TRAF3IP3: variants seen among roughly 807,000 people sequenced by gnomAD.
TRAF3IP3 encodes TRAF3 interacting protein 3, also known as TRAF3-interacting JNK-activating modulator.
Under a neutral mutation model 86.5 loss-of-function variants are expected in TRAF3IP3, and 64 were observed. The observed-to-expected ratio is 0.74, with a 90% CI of 0.60 to 0.91. The LOEUF (loss-of-function observed/expected upper bound fraction) is 0.91, where lower values mean the gene tolerates loss of function less well. Among genes scored for constraint, TRAF3IP3 ranks in the 40% least tolerant of loss-of-function variants. TRAF3IP3 has a pLI of 0.00. For missense variants in TRAF3IP3, 579 were observed against 642.9 expected (o/e 0.90, Z 1.07); for synonymous variants, 220 against 243.9 (o/e 0.90, Z 0.91).
At chr1:209,775,776 G>C in intron 11 of TRAF3IP3, 40 bp downstream of exon 11, 1 of 1,558,742 alleles carries the variant, frequency 6.4e-7, no homozygotes, top group Non-Finnish European at 8.7e-7. Context: ...ACAGGGTATG[G>C]GGAGGAGGGA....
At chr1:209,765,474 T>C (rs537131999) in intron 8 of TRAF3IP3, among the ~76,000 whole-genome samples, 5 of 152,006 alleles carry the variant, frequency 3.3e-5, no homozygotes, top group African/African-American at 1.2e-4. Flanking sequence ...AAGACCAGCC[T>C]GGGCAACATG....
At chr1:209,768,845 C>A (rs569071879) in intron 8 of TRAF3IP3, among the ~76,000 whole-genome samples, 30 of 152,318 alleles carry the variant, frequency 2.0e-4, no homozygotes, top group African/African-American at 7.2e-4. Flanking sequence ...AAACTACATG[C>A]CCGATTTGCA....
chr1:209,762,936 T>C (rs2077272518), intron 5 of TRAF3IP3, 66 bp downstream of exon 5: 2 of 1,609,028 alleles, frequency 1.2e-6, no homozygotes, highest in African/African-American at 1.3e-5. Flanking sequence ...ACAATGAATT[T>C]CCATGTCCGC....
At chr1:209,771,654 TGCATGTGAAG>T (rs1394380898) in intron 8 of TRAF3IP3, among the ~76,000 whole-genome samples, 18 of 143,780 alleles carry the variant, frequency 1.3e-4, no homozygotes, top group South Asian at 2.2e-4. Context: ...TGTGAAGGTG[TGCATGTGAAG>T]GTGTGTGTTC....
chr1:209,778,498 G>A (rs1170342374), intron 13 of TRAF3IP3: 3 of 292,206 alleles, frequency 1.0e-5, no homozygotes, highest in African/African-American at 6.6e-5. Context: ...ACATGAATGT[G>A]TCACATAGAC....
chr1:209,759,900 C>A lies in TRAF3IP3; in HGVS notation c.-58-82C>A, dbSNP rs946174868. 7 of 671,596 alleles carry A rather than the reference C, an allele frequency of 1.0e-5. No homozygotes were observed. In the African/African-American group the frequency reaches 1.3e-4, roughly 12 times the overall value. The allele number at this position is 671,596 out of a possible 1,614,324, so 41.6% of individuals were successfully genotyped here. A position where few individuals can be genotyped will look rare whatever the true frequency, so the allele number is the denominator to read the frequency against. On this transcript the variant is annotated intron_variant, in intron 2 of 16. Coordinates refer to ENST00000367025, the MANE Select transcript of TRAF3IP3 (RefSeq NM_025228.4). Reference sequence around the variant, plus strand: ...ACATGGATGGAACTCTGTGCTATTTCTGCCCCCTGGTCTAGGGAGATAGTC... The same window carrying A: ...ACATGGATGGAACTCTGTGCTATTTATGCCCCCTGGTCTAGGGAGATAGTC...
At position 209,770,694 on chromosome 1, in the gene TRAF3IP3, TGTGGAGGTGTGTGTGTGCAG is replaced by T. The variant is rs1558019024; in HGVS notation, c.703-2242_703-2223del. Among the ~76,000 whole-genome samples the T allele has an allele frequency of 3.7e-4, 40 of 109,492 alleles. 1 individual carries two copies. The highest frequency in any genetic ancestry group is 6.0e-4 in the East Asian group (2 of 3,330). 71.8% of individuals were successfully genotyped at this position (109,492 alleles called of 152,430 possible). On this transcript the variant is annotated intron_variant, in intron 8 of 16. Coordinates refer to ENST00000367025, the MANE Select transcript of TRAF3IP3 (RefSeq NM_025228.4). ...GTGCATATGGAGGTGTGTGTGTGCA[TGTGGAGGTGTGTGTGTGCAG>T]GTGGAGGTGTGCGTGTGCAGGTGGA...
chr1:209,770,814 C>G (rs1231623002), intron 8 of TRAF3IP3, among the ~76,000 whole-genome samples: 1 of 104,232 alleles, frequency 9.6e-6, no homozygotes, highest in African/African-American at 3.7e-5. Flanking sequence ...TGTGTGTGTG[C>G]AGGTGGAGGT....
At position 209,777,334 on chromosome 1, in the gene TRAF3IP3, C is replaced by T. The variant is rs771308499; in HGVS notation, c.1054-18C>T. 1 of 1,608,996 alleles carries T rather than the reference C, an allele frequency of 6.2e-7. No homozygotes were observed. Among genetic ancestry groups the T allele is most frequent in the Admixed American group, 1.7e-5 (1 of 59,794 alleles). On this transcript the variant is annotated intron_variant, in intron 11 of 16. Transcript: ENST00000367025. ...AACACTGACCTCCTTCTATATTGGC[C>T]CTTCCTCCTCCTTACAGGGAGCAGA...
At position 209,769,097 on chromosome 1, in the gene TRAF3IP3, C is replaced by T. The variant is rs2077413822; in HGVS notation, c.703-3851C>T. On this transcript the variant is annotated intron_variant, in intron 8 of 16. Coordinates refer to ENST00000367025, the MANE Select transcript of TRAF3IP3 (RefSeq NM_025228.4). ...CTATGGAATGGGGAGAGAGGAGGTA[C>T]CCCAAAAGGGTAGGAGACTGGGAAA... Among the ~76,000 whole-genome samples, 3 of 152,118 alleles carry T rather than the reference C, an allele frequency of 2.0e-5. No individual in the cohort carries two copies. The South Asian group carries it at 6.2e-4, about 32-fold the overall frequency.
intron 9 of TRAF3IP3, among the ~76,000 whole-genome samples, chr1:209,773,717 G>A (rs1054938008): frequency 6.6e-6 from 1 of 152,246 alleles, no homozygotes; most frequent in Non-Finnish European, 1.5e-5. Context: ...CAGGGGAAGA[G>A]AGTTTATGGA....
chr1:209,768,278 G>GCTCC, intron 8 of TRAF3IP3: 8 of 985,412 alleles, frequency 8.1e-6, no homozygotes, highest in Non-Finnish European at 9.6e-6. Flanking sequence ...CCAAGGATCA[G>GCTCC]CTCCCTCCGC....
intron 8 of TRAF3IP3, 104 bp from the exon 9 acceptor site, chr1:209,772,840 CTGTT>C (rs1180909499): frequency 1.1e-5 from 10 of 911,402 alleles, no homozygotes; most frequent in South Asian, 7.5e-5. Context: ...AAAGAGTTCA[CTGTT>C]TGAGCACCAA....
At chr1:209,781,223 C>T in intron 15 of TRAF3IP3, 122 bp from the exon 16 acceptor site, 1 of 609,114 alleles carries the variant, frequency 1.6e-6, no homozygotes, top group Non-Finnish European at 3.0e-6. Flanking sequence ...CTGAGAATGG[C>T]TGGGAAGGGA....
chr1:209,766,603 C>T (rs983660305), intron 8 of TRAF3IP3, among the ~76,000 whole-genome samples: 7 of 152,234 alleles, frequency 4.6e-5, no homozygotes, highest in Non-Finnish European at 1.0e-4. Context: ...GCAGCTCATG[C>T]CTATAATCCC....
rs1447393533 is a variant in TRAF3IP3, at chr1:209,763,107, A to T, written c.576+15A>T. 1 of 1,612,194 alleles carries T rather than the reference A, an allele frequency of 6.2e-7. No individual in the cohort carries two copies. Among genetic ancestry groups the T allele is most frequent in the South Asian group, 1.1e-5 (1 of 91,052 alleles). On this transcript the variant is annotated intron_variant, in intron 6 of 16. Coordinates refer to ENST00000367025, the MANE Select transcript of TRAF3IP3 (RefSeq NM_025228.4). The stretch of plus-strand genomic sequence containing the variant: ...TTCTGGATAAGGTAAGCACATATTC[A>T]CTTTGAAGGGGTCAAATCAGAAAGT...
At chr1:209,778,281 T>A in intron 13 of TRAF3IP3, 108 bp downstream of exon 13, 1 of 801,996 alleles carries the variant, frequency 1.2e-6, no homozygotes, top group Non-Finnish European at 2.1e-6. Flanking sequence ...GCATATGCTC[T>A]AACTCTGTGC....
chr1:209,764,406 T>C (rs953146541), intron 8 of TRAF3IP3, among the ~76,000 whole-genome samples: 3 of 151,656 alleles, frequency 2.0e-5, no homozygotes, highest in African/African-American at 7.3e-5. Context: ...GCCAGGAAAA[T>C]ATGGAAGAAG....
chr1:209,768,286 C>T (rs932377362), intron 8 of TRAF3IP3: 23 of 985,420 alleles, frequency 2.3e-5, no homozygotes, highest in South Asian at 9.4e-5. Context: ...CAGCTCCCTC[C>T]GCTGGCTTCA....
Sources: gnomAD v4.1 joint callset for allele counts (sites outside exome capture counted in the v4.1 genomes callset) on GRCh38, gnomAD v4.1.1 for gene constraint, MANE v1.5 for transcripts, NCBI Gene and HGNC (gene_info 2026-07-23, HGNC 2026-07-21) for gene names.